HORMAD2: variants seen among roughly 807,000 people sequenced by gnomAD.
HORMAD2 encodes the protein HORMA domain-containing protein 2.
A neutral mutation model predicts 38.8 loss-of-function variants in HORMAD2; 45 were observed. That is an observed-to-expected ratio of 1.16 (90% confidence interval 0.91 to 1.49). The LOEUF (loss-of-function observed/expected upper bound fraction) is 1.49. Ranked by LOEUF, HORMAD2 falls within the 40% of genes most tolerant of loss-of-function variation. HORMAD2 has a pLI of 0.00. For synonymous variants in HORMAD2, 126 were observed against 122.8 expected, an observed-to-expected ratio of 1.03 and a Z score of -0.17; for missense variants, 338 against 367.0, an observed-to-expected ratio of 0.92 and a Z score of 0.65.
chr22:30,100,394 G>A (rs1456554746), intron 3 of HORMAD2, among the ~76,000 whole-genome samples: 1 of 152,150 alleles, frequency 6.6e-6, no homozygotes, highest in Non-Finnish European at 1.5e-5. Context: ...GCAGAAAACC[G>A]AAACTGGACC....
chr22:30,139,041 A>G (rs1322977587), intron 10 of HORMAD2, among the ~76,000 whole-genome samples: 3 of 151,570 alleles, frequency 2.0e-5, no homozygotes, highest in Non-Finnish European at 2.9e-5. Flanking sequence ...CCTGAGCGGG[A>G]GGGAATGCTC....
chr22:30,126,610 AT>A (rs1922886499), intron 10 of HORMAD2, among the ~76,000 whole-genome samples: 1 of 152,170 alleles, frequency 6.6e-6, no homozygotes. Context: ...ATAATTTATA[AT>A]TTTTGTCTAT....
chr22:30,121,243 G>A (rs1046280933), intron 8 of HORMAD2, among the ~76,000 whole-genome samples: 2 of 152,116 alleles, frequency 1.3e-5, no homozygotes, highest in South Asian at 2.1e-4. Flanking sequence ...ATGTCTTTAC[G>A]CTTATCTCAC....
intron 5 of HORMAD2, among the ~76,000 whole-genome samples, chr22:30,106,903 G>T (rs973094947): frequency 2.0e-5 from 3 of 152,222 alleles, no homozygotes; most frequent in Non-Finnish European, 4.4e-5. Context: ...AACACATGTT[G>T]TGAAGCCTCA....
At chr22:30,186,631 G>A in the HORMAD2 span, among the ~76,000 whole-genome samples, 10 of 151,808 alleles carry the variant, frequency 6.6e-5, no homozygotes, top group Non-Finnish European at 1.0e-4. Context: ...TTTCCTATCA[G>A]CCATTAACAA....
chr22:30,089,360 T>C (rs2068640846), intron 1 of HORMAD2, among the ~76,000 whole-genome samples: 2 of 151,764 alleles, frequency 1.3e-5, no homozygotes, highest in East Asian at 1.9e-4. Flanking sequence ...TGCTTCTTTT[T>C]TTTTTTTTTT....
intron 10 of HORMAD2, among the ~76,000 whole-genome samples, chr22:30,140,907 G>A (rs897950573): frequency 1.3e-5 from 2 of 152,112 alleles, no homozygotes; most frequent in Non-Finnish European, 2.9e-5. Flanking sequence ...ATTTACAGTT[G>A]TAAATTTTCC....
chr22:30,134,570 G>T (rs1222952563), intron 10 of HORMAD2, among the ~76,000 whole-genome samples: 1 of 150,966 alleles, frequency 6.6e-6, no homozygotes, highest in Non-Finnish European at 1.5e-5. Context: ...CTGGTCTTCT[G>T]AAGTCTTAGC....
At chr22:30,154,677 T>G (rs568261290) in intron 10 of HORMAD2, among the ~76,000 whole-genome samples, 1 of 152,202 alleles carries the variant, frequency 6.6e-6, no homozygotes. Context: ...CCTTGACATG[T>G]TTTAATAGAA....
chr22:30,103,251 G>A (rs1920970173), intron 3 of HORMAD2, among the ~76,000 whole-genome samples, 186 bp from the exon 4 acceptor site: 1 of 152,128 alleles, frequency 6.6e-6, no homozygotes, highest in South Asian at 2.1e-4. Context: ...TTGAGACCAA[G>A]CTACTTCTTA....
In HORMAD2 at chr22:30,176,967, G is replaced by A. The variant is rs1383731058; in HGVS notation, c.*800G>A. 6.6e-6 allele frequency: 1 copy of A among 152,562 alleles called. No individual in the cohort carries two copies. Among genetic ancestry groups the A allele is most frequent in the African/African-American group, 2.4e-5 (1 of 41,368 alleles). The allele number at this position is 152,562 out of a possible 1,614,324, so 9.5% of individuals were successfully genotyped here. ...TATTTCTATTATTTATATAACATGA[G>A]ATTTAGTAACTTATAAAATGAGGTT... On this transcript the variant is annotated 3_prime_UTR_variant, in exon 11 of 11. Transcript: ENST00000336726.
chr22:30,110,426 C>A (rs1921544194), intron 5 of HORMAD2, among the ~76,000 whole-genome samples: 3 of 149,140 alleles, frequency 2.0e-5, no homozygotes, highest in South Asian at 4.3e-4. Context: ...CGCTCTGTCG[C>A]CCAGGCTGGA....
chr22:30,103,397 A>T, intron 3 of HORMAD2, 40 bp from the exon 4 acceptor site: 1 of 1,120,496 alleles, frequency 8.9e-7, no homozygotes, highest in Non-Finnish European at 1.3e-6. Flanking sequence ...TACAGCAGTC[A>T]TTTAGTAGAT....
chr22:30,141,533 G>A (rs1924069776), intron 10 of HORMAD2, among the ~76,000 whole-genome samples: 1 of 151,034 alleles, frequency 6.6e-6, no homozygotes, highest in Admixed American at 6.6e-5. Context: ...ATACATTTGA[G>A]TTTTCCAAAT....
the HORMAD2 span, among the ~76,000 whole-genome samples, chr22:30,189,925 A>G: frequency 2.0e-5 from 3 of 151,960 alleles, no homozygotes; most frequent in African/African-American, 4.8e-5. Flanking sequence ...ACCACTCATG[A>G]CTTGAGCTTG....
chr22:30,179,523 A>G (rs1243308232), downstream of HORMAD2, among the ~76,000 whole-genome samples: 1 of 152,186 alleles, frequency 6.6e-6, no homozygotes, highest in African/African-American at 2.4e-5. Flanking sequence ...TGGGTTATCC[A>G]TTGGTAAAGT....
At chr22:30,115,098 G>C (rs903661321) in intron 7 of HORMAD2, among the ~76,000 whole-genome samples, 4 of 152,066 alleles carry the variant, frequency 2.6e-5, no homozygotes, top group African/African-American at 4.8e-5. Flanking sequence ...CTTTGTGCCT[G>C]TTTACCATTG....
chr22:30,098,751 T>G, intron 2 of HORMAD2, 101 bp from the exon 3 acceptor site: 1 of 974,468 alleles, frequency 1.0e-6, no homozygotes, highest in Non-Finnish European at 1.5e-6. Context: ...ATATCAAATT[T>G]GAAGTCCTGA....
intron 8 of HORMAD2, among the ~76,000 whole-genome samples, chr22:30,120,524 C>T (rs1166497342): frequency 1.3e-5 from 2 of 152,072 alleles, no homozygotes; most frequent in African/African-American, 4.8e-5. Flanking sequence ...TAGTCATGGT[C>T]CCTCCTGGAA....
Sources: gnomAD v4.1 joint callset for allele counts (sites outside exome capture counted in the v4.1 genomes callset) on GRCh38, gnomAD v4.1.1 for gene constraint, MANE v1.5 for transcripts, NCBI Gene and HGNC (gene_info 2026-07-23, HGNC 2026-07-21) for gene names.